Variants in LRBA observed in about 807,000 individuals in gnomAD.
LRBA encodes the protein lipopolysaccharide-responsive and beige-like anchor protein.
LRBA carries 176 observed loss-of-function variants against 330.0 expected under a neutral mutation model. The observed-to-expected ratio is 0.53, with a 90% CI of 0.47 to 0.60. The LOEUF (loss-of-function observed/expected upper bound fraction) is 0.60. LRBA is among the 20% of genes least tolerant of loss of function. The probability of loss-of-function intolerance (pLI) is 0.00; values close to 1 mark genes in which losing one functional copy is unlikely to be tolerated. For synonymous variants in LRBA, 1,230 were observed against 1,193.0 expected (o/e 1.03, Z -0.64); for missense variants, 3,259 against 3,444.8 (o/e 0.95, Z 1.35).
intron 40 of LRBA, among the ~76,000 whole-genome samples, chr4:150,510,181 G>A (rs1466178745): frequency 2.0e-5 from 3 of 151,986 alleles, no homozygotes; most frequent in Admixed American, 2.0e-4. Context: ...CCCCTTTCAA[G>A]AAGAAATAGA....
intron 51 of LRBA, among the ~76,000 whole-genome samples, chr4:150,313,882 T>A (rs185557243): frequency 6.7e-6 from 1 of 150,330 alleles, no homozygotes; most frequent in African/African-American, 2.4e-5. Flanking sequence ...TAATTTTATA[T>A]AATATTTTAA....
At chr4:150,915,875 T>C in intron 7 of LRBA, 148 bp from the exon 8 acceptor site, 1 of 520,408 alleles carries the variant, frequency 1.9e-6, no homozygotes, top group Non-Finnish European at 3.1e-6. Context: ...ATTTACTTTC[T>C]GGAACAATAT....
chr4:150,618,446 A>G (rs752540008), intron 37 of LRBA, among the ~76,000 whole-genome samples: 14 of 152,184 alleles, frequency 9.2e-5, no homozygotes, highest in Admixed American at 2.0e-4. Context: ...GGTTCATGAG[A>G]TTCCCTCAAC....
chr4:150,336,932 A>G (rs1367510265), intron 48 of LRBA, among the ~76,000 whole-genome samples: 1 of 152,232 alleles, frequency 6.6e-6, no homozygotes, highest in East Asian at 1.9e-4. Flanking sequence ...TGTCTAGAAC[A>G]TTGATGTGCT....
intron 17 of LRBA, among the ~76,000 whole-genome samples, chr4:150,885,200 C>CAAAAAAAAAAAAAAAAAAAAAAA (rs34720483): frequency 1.7e-5 from 2 of 114,510 alleles, no homozygotes; most frequent in Non-Finnish European, 3.5e-5. Flanking sequence ...ACAAGAGTTC[C>CAAAAAAAAAAAAAAAAAAAAAAA]AAAAAAAAAA....
intron 37 of LRBA, among the ~76,000 whole-genome samples, chr4:150,670,441 C>G (rs1781954818): frequency 6.6e-6 from 1 of 152,200 alleles, no homozygotes; most frequent in Non-Finnish European, 1.5e-5. Context: ...TTTTGACATG[C>G]TGCTACCCAT....
At chr4:150,835,867 G>C (rs1038103897) in intron 28 of LRBA, among the ~76,000 whole-genome samples, 1 of 152,034 alleles carries the variant, frequency 6.6e-6, no homozygotes, top group Non-Finnish European at 1.5e-5. Flanking sequence ...AGAGGGCATC[G>C]CTTTCTTGTG....
At chr4:150,683,485 G>A (rs1303854447) in intron 37 of LRBA, 66 bp downstream of exon 37, 11 of 1,231,682 alleles carry the variant, frequency 8.9e-6, no homozygotes, top group Non-Finnish European at 1.1e-5. Flanking sequence ...CATATCCAAA[G>A]TCATTTATCT....
chr4:150,687,079 T>C (rs1208866984), intron 36 of LRBA, among the ~76,000 whole-genome samples: 1 of 152,074 alleles, frequency 6.6e-6, no homozygotes, highest in Non-Finnish European at 1.5e-5. Context: ...TGTGGAACCT[T>C]AGGGTCACAT....
intron 37 of LRBA, among the ~76,000 whole-genome samples, chr4:150,641,464 T>A (rs1449200080): frequency 6.6e-6 from 1 of 152,162 alleles, no homozygotes; most frequent in Non-Finnish European, 1.5e-5. Context: ...TCTAAATATG[T>A]CATGATGGAA....
At chr4:150,428,420 G>A (rs1306972651) in intron 46 of LRBA, among the ~76,000 whole-genome samples, 1 of 152,052 alleles carries the variant, frequency 6.6e-6, no homozygotes, top group Non-Finnish European at 1.5e-5. Context: ...CTGACATCCA[G>A]CTACCAGTTC....
intron 34 of LRBA, among the ~76,000 whole-genome samples, chr4:150,790,621 T>A (rs1019675236): frequency 1.3e-5 from 2 of 152,222 alleles, no homozygotes; most frequent in Non-Finnish European, 2.9e-5. Context: ...ATTGAGCTGA[T>A]TTTAAATATT....
At chr4:150,639,769 ATATATATATATATG>A (rs1333370658) in intron 37 of LRBA, among the ~76,000 whole-genome samples, 468 of 6,834 alleles carry the variant, frequency 0.068, 64 homozygotes, top group East Asian at 0.18. Context: ...ATATATATAT[ATATATATATATATG>A]TGTGTGTGTA....
At chr4:150,337,075 T>C (rs1734849617) in intron 48 of LRBA, among the ~76,000 whole-genome samples, 1 of 152,158 alleles carries the variant, frequency 6.6e-6, no homozygotes, top group African/African-American at 2.4e-5. Flanking sequence ...AGTAAAGGTC[T>C]TAAAGGAAAA....
Position 150,870,536 on chromosome 4 carries a change from A to G in LRBA, c.2438T>C (p.Ile813Thr). The G allele has an allele frequency of 1.3e-6, 2 of 1,577,828 alleles. 1 individual carries two copies. The highest frequency in any genetic ancestry group is 2.2e-5 in the South Asian group (2 of 90,348). The change falls in exon 20 of 57, where the codon ATA (isoleucine) becomes ACA (threonine). Residue 813 changes from isoleucine to threonine, a missense_variant. Coordinates refer to ENST00000651943, the MANE Select transcript of LRBA (RefSeq NM_001364905.1). ...QHPDPDSSVK[I>T]QNPQILKVIA... Reference sequence around the variant, plus strand: ...TATAAAATACATACGAGGGTTTTGTATCTTCACTGAAGAATCAGGATCTGG... The same window carrying G: ...TATAAAATACATACGAGGGTTTTGTGTCTTCACTGAAGAATCAGGATCTGG...
At chr4:150,581,127 C>A in intron 40 of LRBA, 1 of 183,274 alleles carries the variant, frequency 5.5e-6, no homozygotes, top group Non-Finnish European at 1.2e-5. Context: ...AAGTTTGCAC[C>A]ATTTCTCACA....
chr4:150,657,598 A>T (rs1780333987), intron 37 of LRBA, among the ~76,000 whole-genome samples: 1 of 152,044 alleles, frequency 6.6e-6, no homozygotes, highest in South Asian at 2.1e-4. Context: ...TTTTAAAAAA[A>T]TACAAGAATT....
Position 150,599,079 on chromosome 4 carries a change from G to A in LRBA, c.5974C>T (p.Arg1992Trp), listed in dbSNP as rs1445428652. 1.2e-5 allele frequency: 19 copies of A among 1,614,006 alleles called. No homozygotes were observed. The highest frequency in any genetic ancestry group is 1.6e-4 in the Middle Eastern group (1 of 6,062). ...AGAGGGTTACGCACAAATCGTCGCC[G>A]GCGCCGCAAGTCATCTTCCCAGTAG... is the stretch of plus-strand genomic sequence containing the variant. ...LDYWEDDLRR[R>W]RRFVRNPLGS... The change falls in exon 38 of 57, where the codon CGG (arginine) becomes TGG (tryptophan). Residue 1992 changes from arginine to tryptophan, a missense_variant. Physicochemically the swap from Arg to Trp is moderately radical, Grantham distance 101. Transcript: ENST00000651943.
At chr4:150,710,512 T>C (rs989068485) in intron 36 of LRBA, among the ~76,000 whole-genome samples, 1 of 151,788 alleles carries the variant, frequency 6.6e-6, no homozygotes, top group Non-Finnish European at 1.5e-5. Context: ...GGGGAAGAGG[T>C]CCTCAGAAAT....
Sources: allele counts gnomAD v4.1 joint callset (sites outside exome capture counted in the v4.1 genomes callset), GRCh38; gene constraint gnomAD v4.1.1; transcripts MANE v1.5; gene names NCBI Gene and HGNC (gene_info 2026-07-23, HGNC 2026-07-21).